The following EPB41L5 variants were observed in gnomAD, a reference collection of about 807,000 sequenced individuals.
EPB41L5 encodes the protein band 4.1-like protein 5.
A neutral mutation model predicts 106.6 loss-of-function variants in EPB41L5; 55 were observed. That is an observed-to-expected ratio of 0.52 (90% CI 0.42 to 0.65). EPB41L5 has a LOEUF of 0.65. EPB41L5 is among the 30% of genes least tolerant of loss of function. EPB41L5 has a pLI of 0.00. For missense variants in EPB41L5, 871 were observed against 882.1 expected (o/e 0.99, Z 0.16); for synonymous variants, 297 against 306.7 (o/e 0.97, Z 0.33).
intron 17 of EPB41L5, among the ~76,000 whole-genome samples, chr2:120,128,778 T>C (rs1685567936): frequency 6.6e-6 from 1 of 152,088 alleles, no homozygotes; most frequent in Non-Finnish European, 1.5e-5. Context: ...AAATAATAAT[T>C]TAACTTATTA....
chr2:120,109,690 TC>T (rs1684631972), intron 16 of EPB41L5, among the ~76,000 whole-genome samples: 1 of 152,202 alleles, frequency 6.6e-6, no homozygotes, highest in African/African-American at 2.4e-5. Flanking sequence ...AACAAAAACT[TC>T]CTAAGATAGC....
intron 16 of EPB41L5, chr2:120,104,936 A>T (rs903092794): frequency 3.2e-5 from 31 of 978,526 alleles, no homozygotes; most frequent in Non-Finnish European, 3.8e-5. Context: ...ACCAGTGGTT[A>T]ACTGAATGGT....
intron 20 of EPB41L5, among the ~76,000 whole-genome samples, chr2:120,157,405 C>G (rs758577103): frequency 6.6e-6 from 1 of 150,928 alleles, no homozygotes; most frequent in Non-Finnish European, 1.5e-5. Context: ...AAACCAACCC[C>G]AAAACTAACA....
At position 120,025,707 on chromosome 2, in the gene EPB41L5, A is replaced by G. The variant is rs528088995; in HGVS notation, c.180+6443A>G. Among the ~76,000 whole-genome samples, 134 of 152,342 alleles carry G rather than the reference A, an allele frequency of 8.8e-4. 1 individual carries two copies. Among genetic ancestry groups the G allele is most frequent in the African/African-American group, 2.9e-3 (122 of 41,592 alleles). On this transcript the variant is annotated intron_variant, in intron 2 of 24. Coordinates refer to ENST00000263713, the MANE Select transcript of EPB41L5 (RefSeq NM_020909.4). ...GACTTAAGGTTGGTAGGATGGCAGT[A>G]CACCTCAAATTGATTGATGCATTCA...
intron 1 of EPB41L5, among the ~76,000 whole-genome samples, chr2:120,018,517 A>G (rs944680879): frequency 4.6e-5 from 7 of 152,218 alleles, no homozygotes; most frequent in Non-Finnish European, 1.0e-4. Context: ...TTTTAAATTA[A>G]TTAATTTACT....
At chr2:120,049,054 C>T (rs963281140) in intron 3 of EPB41L5, among the ~76,000 whole-genome samples, 1 of 152,174 alleles carries the variant, frequency 6.6e-6, no homozygotes, top group Non-Finnish European at 1.5e-5. Flanking sequence ...TATTCCTTTA[C>T]ATTTGCCGAG....
chr2:120,054,865 CTTTTTTTTT>C (rs34163490), intron 3 of EPB41L5, among the ~76,000 whole-genome samples: 4 of 129,786 alleles, frequency 3.1e-5, no homozygotes, highest in African/African-American at 1.1e-4. Context: ...CATATATACA[CTTTTTTTTT>C]TTTTTTTTTG....
At chr2:120,100,214 T>G in intron 14 of EPB41L5, 30 bp from the exon 15 acceptor site, 1 of 1,594,484 alleles carries the variant, frequency 6.3e-7, no homozygotes. Context: ...TCATATAGGG[T>G]TTTTAATTGA....
At chr2:120,086,905 C>G (rs1005608088) in intron 10 of EPB41L5, among the ~76,000 whole-genome samples, 1 of 152,074 alleles carries the variant, frequency 6.6e-6, no homozygotes, top group Non-Finnish European at 1.5e-5. Context: ...TAATCGAGAC[C>G]TATCAAATAC....
In EPB41L5 at chr2:120,174,909, G is replaced by A. The variant is rs1467382627; in HGVS notation, c.*2G>A. ...TGTTTACTGACCACTGAGCTCTGAG[G>A]GCCTGTAGCTGGAATACGCATCTCT... On this transcript the variant is annotated 3_prime_UTR_variant, in exon 25 of 25. Transcript: ENST00000263713. 2.5e-6 allele frequency: 4 copies of A among 1,613,806 alleles called. No individual in the cohort carries two copies. Among genetic ancestry groups the A allele is most frequent in the African/African-American group, 1.3e-5 (1 of 74,894 alleles).
chr2:120,073,614 G>A (rs1334879813), intron 4 of EPB41L5, among the ~76,000 whole-genome samples: 2 of 152,158 alleles, frequency 1.3e-5, no homozygotes, highest in African/African-American at 4.8e-5. Context: ...AAATGTTAGT[G>A]TCATTCAGAG....
At chr2:120,158,954 C>T (rs1687017703) in intron 20 of EPB41L5, among the ~76,000 whole-genome samples, 1 of 152,108 alleles carries the variant, frequency 6.6e-6, no homozygotes. Flanking sequence ...AATAGTCAAG[C>T]TGAGAGCCAA....
At chr2:120,169,596 C>G (rs1687576993) in intron 24 of EPB41L5, among the ~76,000 whole-genome samples, 1 of 152,176 alleles carries the variant, frequency 6.6e-6, no homozygotes, top group African/African-American at 2.4e-5. Context: ...CTCCTTCTGT[C>G]TCTCTCTCCC....
rs549190651 is a variant in EPB41L5 at position 120,178,584 on chromosome 2, C to A, written c.*3677C>A. On this transcript the variant is annotated 3_prime_UTR_variant, in exon 25 of 25. Coordinates refer to ENST00000263713, the MANE Select transcript of EPB41L5 (RefSeq NM_020909.4). Reference sequence around the variant, plus strand: ...AGATTATTTGTCCTTTTTATCCTCTCAAAAATTTAAACACTGTACCTCTTC... The same window carrying A: ...AGATTATTTGTCCTTTTTATCCTCTAAAAAATTTAAACACTGTACCTCTTC... 1.1e-4 allele frequency: 16 copies of A among 152,240 alleles called. No homozygotes were observed. Among genetic ancestry groups the A allele is most frequent in the Non-Finnish European group, 1.8e-4 (12 of 68,040 alleles). 9.4% of individuals were successfully genotyped at this position (152,240 alleles called of 1,614,324 possible).
chr2:120,082,200 G>C (rs1278694403), intron 10 of EPB41L5, among the ~76,000 whole-genome samples: 2 of 152,144 alleles, frequency 1.3e-5, no homozygotes, highest in Non-Finnish European at 2.9e-5. Flanking sequence ...TTTTCAAAGG[G>C]AACGCTTCCA....
chr2:120,080,797 A>G (rs1305165750), intron 10 of EPB41L5, among the ~76,000 whole-genome samples: 2 of 152,194 alleles, frequency 1.3e-5, no homozygotes, highest in East Asian at 3.9e-4. Flanking sequence ...AATGATGGCC[A>G]TTCTAACTGG....
chr2:120,149,404 A>G (rs1199173001), intron 20 of EPB41L5, among the ~76,000 whole-genome samples: 1 of 152,138 alleles, frequency 6.6e-6, no homozygotes, highest in Non-Finnish European at 1.5e-5. Flanking sequence ...CCTTTCCCCT[A>G]ACCCTGAGGA....
chr2:120,073,982 A>G (rs947054725), intron 4 of EPB41L5, 118 bp from the exon 5 acceptor site: 4 of 705,002 alleles, frequency 5.7e-6, no homozygotes, highest in South Asian at 4.0e-5. Flanking sequence ...ACCTGCAATA[A>G]TGCCATAAAA....
At chr2:120,050,724 GA>G (rs1187824947) in intron 3 of EPB41L5, among the ~76,000 whole-genome samples, 5 of 152,214 alleles carry the variant, frequency 3.3e-5, no homozygotes, top group African/African-American at 1.2e-4. Flanking sequence ...TTTGGAGGGG[GA>G]GAGGCGCTCT....
Sources: gnomAD v4.1 joint callset for allele counts (sites outside exome capture counted in the v4.1 genomes callset) on GRCh38, gnomAD v4.1.1 for gene constraint, MANE v1.5 for transcripts, NCBI Gene and HGNC (gene_info 2026-07-23, HGNC 2026-07-21) for gene names.